Variants in PPP3CA observed in about 807,000 individuals in gnomAD.
PPP3CA encodes CAM-PRP catalytic subunit.
In PPP3CA, 14 loss-of-function variants were observed where a neutral mutation model predicts 66.5. The ratio of observed to expected loss-of-function variants is 0.21; its 90% confidence interval spans 0.14 to 0.33. The LOEUF is 0.33. Among genes scored for constraint, PPP3CA ranks in the 10% least tolerant of loss-of-function variants. The pLI is 1.00. For synonymous variants in PPP3CA, 232 were observed against 226.2 expected (o/e 1.03, Z -0.23); for missense variants, 317 against 639.5 (o/e 0.50, Z 5.44).
At chr4:101,286,130 A>C (rs1727840438) in intron 1 of PPP3CA, among the ~76,000 whole-genome samples, 1 of 152,178 alleles carries the variant, frequency 6.6e-6, no homozygotes, top group African/African-American at 2.4e-5. Context: ...TCATATGTAC[A>C]GTTCACAATA....
chr4:101,215,615 A>G (rs1404628937), intron 1 of PPP3CA, among the ~76,000 whole-genome samples: 1 of 152,092 alleles, frequency 6.6e-6, no homozygotes, highest in Non-Finnish European at 1.5e-5. Flanking sequence ...AAGGGGAAAG[A>G]AAGTTCAATT....
intron 1 of PPP3CA, among the ~76,000 whole-genome samples, chr4:101,202,495 A>C (rs1271487046): frequency 6.6e-6 from 1 of 152,186 alleles, no homozygotes; most frequent in African/African-American, 2.4e-5. Context: ...TATGCACAGA[A>C]TGGATATTCT....
intron 5 of PPP3CA, among the ~76,000 whole-genome samples, chr4:101,097,926 T>C (rs1347353469): frequency 6.6e-6 from 1 of 152,210 alleles, no homozygotes; most frequent in Admixed American, 6.5e-5. Context: ...GTTAGATTGC[T>C]ACTTAAAAGT....
At chr4:101,287,159 T>C (rs1271912338) in intron 1 of PPP3CA, among the ~76,000 whole-genome samples, 3 of 152,198 alleles carry the variant, frequency 2.0e-5, no homozygotes, top group Non-Finnish European at 4.4e-5. Context: ...AATCTGTATT[T>C]CATTTCTGAA....
chr4:101,264,086 C>T (rs952273737), intron 1 of PPP3CA, among the ~76,000 whole-genome samples: 4 of 152,108 alleles, frequency 2.6e-5, no homozygotes, highest in Admixed American at 1.3e-4. Context: ...ACCCCAATAT[C>T]GAAGTCTATG....
At chr4:101,213,113 T>C (rs181680409) in intron 1 of PPP3CA, among the ~76,000 whole-genome samples, 17 of 152,298 alleles carry the variant, frequency 1.1e-4, no homozygotes, top group Admixed American at 7.2e-4. Flanking sequence ...ACATGAATGT[T>C]CTATAATAGA....
chr4:101,150,142 A>G (rs1054463909), intron 2 of PPP3CA, among the ~76,000 whole-genome samples: 1 of 152,160 alleles, frequency 6.6e-6, no homozygotes, highest in Non-Finnish European at 1.5e-5. Flanking sequence ...ACTGAAATAG[A>G]AGGAATAAAA....
Position 101,030,238 on chromosome 4 carries a change from C to T in PPP3CA, c.1340-1043G>A, listed in dbSNP as rs181193638. 5.3e-5 allele frequency among the ~76,000 whole-genome samples: 8 copies of T among 152,252 alleles called. No homozygotes were observed. The East Asian group carries it at 9.6e-4, about 18-fold the overall frequency. On this transcript the variant is annotated intron_variant, in intron 12 of 13. Transcript: ENST00000394854. Reference sequence around the variant, plus strand: ...CAAAATGTTTAATATTAAAATTCTACCCCTTGACTTTAATTTGCATTTTTC... The same window carrying T: ...CAAAATGTTTAATATTAAAATTCTATCCCTTGACTTTAATTTGCATTTTTC...
chr4:101,158,329 A>T (rs1202379686), intron 2 of PPP3CA: 2 of 152,202 alleles, frequency 1.3e-5, no homozygotes, highest in Admixed American at 1.3e-4. Flanking sequence ...AGAATGTGTT[A>T]TGCAAAAATA....
chr4:101,183,544 G>A (rs1459324282), intron 2 of PPP3CA, among the ~76,000 whole-genome samples: 1 of 152,078 alleles, frequency 6.6e-6, no homozygotes, highest in African/African-American at 2.4e-5. Flanking sequence ...GTGTTACAAT[G>A]TCCTCTAATG....
chr4:101,087,119 G>C (rs1729707314), intron 6 of PPP3CA, among the ~76,000 whole-genome samples: 1 of 152,150 alleles, frequency 6.6e-6, no homozygotes. Flanking sequence ...CTGGGAATGG[G>C]TACTTAGCCC....
chr4:101,127,048 C>A (rs1226751616), intron 2 of PPP3CA, among the ~76,000 whole-genome samples: 1 of 152,150 alleles, frequency 6.6e-6, no homozygotes, highest in Non-Finnish European at 1.5e-5. Flanking sequence ...GCCCCTTACA[C>A]CCATCCCAGG....
intron 7 of PPP3CA, among the ~76,000 whole-genome samples, chr4:101,082,532 C>T (rs941555017): frequency 9.9e-5 from 15 of 152,256 alleles, no homozygotes; most frequent in Non-Finnish European, 2.9e-5. Context: ...TCTAATTTCT[C>T]CCTAATGTAG....
At chr4:101,191,502 T>A (rs908690415) in intron 2 of PPP3CA, among the ~76,000 whole-genome samples, 4 of 152,122 alleles carry the variant, frequency 2.6e-5, no homozygotes, top group Non-Finnish European at 4.4e-5. Context: ...GTGGGCTGGG[T>A]ACCAAAATAG....
chr4:101,262,703 A>G (rs1159403709), intron 1 of PPP3CA, among the ~76,000 whole-genome samples: 4 of 152,120 alleles, frequency 2.6e-5, no homozygotes, highest in Admixed American at 1.3e-4. Context: ...GTTCTCCTGG[A>G]ATATGGCATA....
At chr4:101,280,255 CGTAAGGAG>C (rs1727636864) in intron 1 of PPP3CA, among the ~76,000 whole-genome samples, 3 of 152,018 alleles carry the variant, frequency 2.0e-5, no homozygotes, top group African/African-American at 7.3e-5. Flanking sequence ...TTTGAGCAGA[CGTAAGGAG>C]GTGGGGAGAC....
chr4:101,200,773 C>G (rs1543856), intron 1 of PPP3CA, among the ~76,000 whole-genome samples: 30,626 of 152,022 alleles, frequency 0.2, 4,250 homozygotes, highest in African/African-American at 0.37. Flanking sequence ...AAGACTGACC[C>G]TCTCATACTA....
chr4:101,251,248 G>GA (rs1367399384), intron 1 of PPP3CA, among the ~76,000 whole-genome samples: 1 of 151,826 alleles, frequency 6.6e-6, no homozygotes, highest in Non-Finnish European at 1.5e-5. Flanking sequence ...TCATTTATTA[G>GA]AAAAAAATGA....
At chr4:101,129,605 G>T (rs1722361817) in intron 2 of PPP3CA, among the ~76,000 whole-genome samples, 1 of 152,118 alleles carries the variant, frequency 6.6e-6, no homozygotes, top group Non-Finnish European at 1.5e-5. Context: ...AGGCAAACAG[G>T]GTCTGGAGTG....
Sources: gnomAD v4.1 joint callset for allele counts (sites outside exome capture counted in the v4.1 genomes callset) on GRCh38, gnomAD v4.1.1 for gene constraint, MANE v1.5 for transcripts, NCBI Gene and HGNC (gene_info 2026-07-23, HGNC 2026-07-21) for gene names.